Variants in LRRC4C observed in about 807,000 individuals in gnomAD.
The protein encoded by LRRC4C is leucine rich repeat containing 4C, also known as leucine-rich repeat-containing protein 4C.
Under a neutral mutation model 33.6 loss-of-function variants are expected in LRRC4C, and 5 were observed. The observed-to-expected ratio is 0.15, with a 90% CI of 0.08 to 0.31. LRRC4C has a LOEUF of 0.31. LRRC4C is among the 10% of genes least tolerant of loss of function. LRRC4C has a pLI of 1.00. For synonymous variants in LRRC4C, 329 were observed against 302.0 expected (o/e 1.09, Z -0.93); for missense variants, 560 against 796.7 (o/e 0.70, Z 3.58).
intron 3 of LRRC4C, among the ~76,000 whole-genome samples, chr11:40,400,835 C>A (rs937835630): frequency 6.6e-6 from 1 of 152,096 alleles, no homozygotes; most frequent in African/African-American, 2.4e-5. Flanking sequence ...ATTTCAAAAT[C>A]TGGATTAGGA....
intron 4 of LRRC4C, among the ~76,000 whole-genome samples, chr11:40,256,581 A>T (rs1252273168): frequency 6.6e-6 from 1 of 152,196 alleles, no homozygotes; most frequent in Non-Finnish European, 1.5e-5. Flanking sequence ...TGAACCAATA[A>T]ATAAATGAAC....
chr11:40,949,258 C>A (rs1276308039), intron 1 of LRRC4C, among the ~76,000 whole-genome samples: 1 of 152,160 alleles, frequency 6.6e-6, no homozygotes, highest in East Asian at 1.9e-4. Flanking sequence ...ATTGTAGATT[C>A]TGGACATTAG....
chr11:41,412,359 G>A (rs1239667482), intron 1 of LRRC4C, among the ~76,000 whole-genome samples: 1 of 152,116 alleles, frequency 6.6e-6, no homozygotes, highest in African/African-American at 2.4e-5. Flanking sequence ...GCAGAAATAT[G>A]CCATAGAAAC....
chr11:40,147,169 C>T (rs906174535), intron 5 of LRRC4C, among the ~76,000 whole-genome samples: 1 of 152,124 alleles, frequency 6.6e-6, no homozygotes, highest in African/African-American at 2.4e-5. Flanking sequence ...ATAGTGGGCA[C>T]TGACCGCCAC....
intron 1 of LRRC4C, among the ~76,000 whole-genome samples, chr11:41,361,672 A>G (rs1308577816): frequency 2.0e-5 from 3 of 152,238 alleles, no homozygotes; most frequent in Non-Finnish European, 2.9e-5. Flanking sequence ...GGTTAATAGG[A>G]TTTAAATTAT....
intron 5 of LRRC4C, among the ~76,000 whole-genome samples, chr11:40,156,894 T>G (rs529396240): frequency 6.6e-6 from 1 of 152,148 alleles, no homozygotes; most frequent in African/African-American, 2.4e-5. Flanking sequence ...CACAATTTTT[T>G]ACAGAATTAG....
At chr11:40,369,282 T>C (rs1948346756) in intron 3 of LRRC4C, among the ~76,000 whole-genome samples, 1 of 152,206 alleles carries the variant, frequency 6.6e-6, no homozygotes, top group African/African-American at 2.4e-5. Context: ...CAGGGAGCAA[T>C]GTCTCAATGT....
intron 3 of LRRC4C, among the ~76,000 whole-genome samples, chr11:40,523,488 T>C (rs1955909153): frequency 6.6e-6 from 1 of 150,656 alleles, no homozygotes. Flanking sequence ...CTGATTTCTA[T>C]AGTTCTTAAT....
intron 1 of LRRC4C, among the ~76,000 whole-genome samples, chr11:41,070,605 A>G (rs929822857): frequency 2.6e-5 from 4 of 152,218 alleles, no homozygotes; most frequent in Non-Finnish European, 5.9e-5. Flanking sequence ...AAGTGGGTAA[A>G]GGATATGAAC....
chr11:41,334,500 T>A (rs182612266), intron 1 of LRRC4C, among the ~76,000 whole-genome samples: 17 of 152,216 alleles, frequency 1.1e-4, no homozygotes, highest in Admixed American at 2.0e-4. Context: ...GTGTTAGATG[T>A]CTGGTACTTA....
intron 1 of LRRC4C, among the ~76,000 whole-genome samples, chr11:41,404,985 A>G (rs944500434): frequency 2.0e-5 from 3 of 152,142 alleles, no homozygotes; most frequent in Non-Finnish European, 4.4e-5. Flanking sequence ...CAATTTTAGT[A>G]TGCGATATTT....
chr11:40,249,954 T>C (rs1008124203), intron 4 of LRRC4C, among the ~76,000 whole-genome samples: 3 of 152,216 alleles, frequency 2.0e-5, no homozygotes, highest in African/African-American at 4.8e-5. Flanking sequence ...CCTCTAAATT[T>C]ATTGCGCCAA....
At chr11:40,208,862 ACTCGGTAG>A (rs1463852408) in intron 5 of LRRC4C, among the ~76,000 whole-genome samples, 1 of 151,938 alleles carries the variant, frequency 6.6e-6, no homozygotes, top group African/African-American at 2.4e-5. Context: ...ACCGACTTCA[ACTCGGTAG>A]TTTAAAATTA....
chr11:41,007,008 G>C (rs764008006), intron 1 of LRRC4C, among the ~76,000 whole-genome samples: 8 of 152,090 alleles, frequency 5.3e-5, no homozygotes, highest in Non-Finnish European at 7.4e-5. Context: ...AGTAGAATGA[G>C]AGCTGAATAT....
chr11:41,356,029 G>A (rs2922042), intron 1 of LRRC4C, among the ~76,000 whole-genome samples: 63,314 of 151,846 alleles, frequency 0.42, 13,971 homozygotes, highest in Non-Finnish European at 0.49. Context: ...AGTTTATAGC[G>A]TTCACCTTAT....
chr11:40,987,747 G>T (rs1853178185), intron 1 of LRRC4C, among the ~76,000 whole-genome samples: 2 of 147,736 alleles, frequency 1.4e-5, no homozygotes, highest in Non-Finnish European at 3.0e-5. Flanking sequence ...AAAAATCGTG[G>T]TCTCTTTTGC....
At chr11:40,237,797 A>G (rs879288413) in intron 5 of LRRC4C, among the ~76,000 whole-genome samples, 21 of 152,150 alleles carry the variant, frequency 1.4e-4, no homozygotes, top group Non-Finnish European at 2.1e-4. Context: ...GTCTGATTTG[A>G]CAAAAATCAA....
chr11:41,391,127 A>C (rs1953575345), intron 1 of LRRC4C, among the ~76,000 whole-genome samples: 1 of 151,918 alleles, frequency 6.6e-6, no homozygotes. Context: ...AGTGACTCTT[A>C]AACTCTGGGG....
chr11:40,411,093 G>A (rs2137640010), intron 3 of LRRC4C, among the ~76,000 whole-genome samples: 1 of 152,170 alleles, frequency 6.6e-6, no homozygotes, highest in African/African-American at 2.4e-5. Context: ...ATAAAAGTAA[G>A]TCAGTATTCC....
Sources: gnomAD v4.1 joint callset for allele counts (sites outside exome capture counted in the v4.1 genomes callset) on GRCh38, gnomAD v4.1.1 for gene constraint, MANE v1.5 for transcripts, NCBI Gene and HGNC (gene_info 2026-07-23, HGNC 2026-07-21) for gene names.